The following CA10 variants were observed in gnomAD, a reference collection of about 807,000 sequenced individuals.
CA10 encodes carbonic anhydrase 10 (inactive).
Under a neutral mutation model 44.2 loss-of-function variants are expected in CA10, and 14 were observed. That is an observed-to-expected ratio of 0.32 (90% confidence interval 0.21 to 0.50). The LOEUF is 0.50. CA10 is among the 20% of genes least tolerant of loss of function. The probability of loss-of-function intolerance (pLI) is 0.99; values close to 1 mark genes in which losing one functional copy is unlikely to be tolerated. For synonymous variants in CA10, 159 were observed against 141.6 expected (o/e 1.12, Z -0.87); for missense variants, 350 against 409.7 (o/e 0.85, Z 1.26).
intron 4 of CA10, among the ~76,000 whole-genome samples, chr17:51,662,306 T>C (rs1197305128): frequency 6.6e-6 from 1 of 152,198 alleles, no homozygotes; most frequent in African/African-American, 2.4e-5. Context: ...CAGAGATGAA[T>C]GCTGTATATT....
chr17:52,122,032 T>G (rs533592793), intron 1 of CA10, among the ~76,000 whole-genome samples: 2 of 152,308 alleles, frequency 1.3e-5, no homozygotes, highest in African/African-American at 4.8e-5. Context: ...CAAATATCCT[T>G]TTATGCACAC....
At position 52,074,946 on chromosome 17, in the gene CA10, T is replaced by C. The variant is rs8070152; in HGVS notation, c.62-2553A>G. Among the ~76,000 whole-genome samples, 1,303 of 152,244 alleles carry C rather than the reference T, an allele frequency of 8.6e-3. 16 individuals are homozygous for C. Among genetic ancestry groups the C allele is most frequent in the African/African-American group, 0.027 (1,139 of 41,532 alleles). The stretch of plus-strand genomic sequence containing the variant: ...TATTACATTCAAATTTCAGTGTCCA[T>C]AATGTTTTATTGCCAAATAGCCAAA... On this transcript the variant is annotated intron_variant, in intron 1 of 8. Transcript: ENST00000451037.
chr17:51,660,794 G>T (rs1913975551), intron 4 of CA10, among the ~76,000 whole-genome samples: 1 of 152,134 alleles, frequency 6.6e-6, no homozygotes, highest in Admixed American at 6.5e-5. Context: ...ATGCACATCT[G>T]GGGCCCCTGG....
intron 6 of CA10, among the ~76,000 whole-genome samples, chr17:51,639,067 G>A (rs572483070): frequency 2.6e-4 from 39 of 152,216 alleles, no homozygotes; most frequent in African/African-American, 9.2e-4. Flanking sequence ...GACTTCATCC[G>A]GAGGCAATGC....
intron 3 of CA10, among the ~76,000 whole-genome samples, chr17:51,888,195 G>T (rs914182603): frequency 4.0e-5 from 6 of 151,434 alleles, no homozygotes; most frequent in African/African-American, 1.5e-4. Flanking sequence ...AAAAGGAGAA[G>T]AAAGGAAAGA....
intron 2 of CA10, among the ~76,000 whole-genome samples, chr17:52,015,520 G>A (rs1985941125): frequency 6.6e-6 from 1 of 152,088 alleles, no homozygotes; most frequent in South Asian, 2.1e-4. Context: ...GAACTTGAGA[G>A]GAAGTTATCC....
At chr17:52,093,813 T>C (rs1351591646) in intron 1 of CA10, among the ~76,000 whole-genome samples, 3 of 152,222 alleles carry the variant, frequency 2.0e-5, no homozygotes, top group Non-Finnish European at 2.9e-5. Context: ...TTTGCAAGTA[T>C]ATCTTGTTTC....
intron 1 of CA10, among the ~76,000 whole-genome samples, chr17:52,081,431 T>C (rs1386599851): frequency 6.6e-6 from 1 of 152,066 alleles, no homozygotes; most frequent in East Asian, 1.9e-4. Context: ...GGCCGGACAA[T>C]GTAAGTAGCG....
intron 2 of CA10, among the ~76,000 whole-genome samples, chr17:52,043,691 C>T (rs191541435): frequency 1.3e-5 from 2 of 151,994 alleles, no homozygotes; most frequent in African/African-American, 4.8e-5. Flanking sequence ...TAGCAGTGGG[C>T]TTGTCATACA....
intron 2 of CA10, among the ~76,000 whole-genome samples, chr17:51,940,257 C>A (rs1983026600): frequency 6.6e-6 from 1 of 152,044 alleles, no homozygotes; most frequent in Admixed American, 6.6e-5. Context: ...TTTGTGTATT[C>A]TTGTGTAAGT....
chr17:51,874,580 G>T (rs994488105), intron 3 of CA10, among the ~76,000 whole-genome samples: 1 of 152,058 alleles, frequency 6.6e-6, no homozygotes, highest in Non-Finnish European at 1.5e-5. Context: ...AGAGCACCAG[G>T]TGACCTCATT....
upstream of CA10, chr17:52,159,890 G>C (rs1989905243): frequency 6.6e-6 from 1 of 152,202 alleles, no homozygotes; most frequent in Non-Finnish European, 1.5e-5. Flanking sequence ...TGCTTCCATC[G>C]CTGCAGTGGT....
chr17:51,716,757 G>T (rs893298506), intron 4 of CA10, among the ~76,000 whole-genome samples: 1 of 152,170 alleles, frequency 6.6e-6, no homozygotes, highest in Non-Finnish European at 1.5e-5. Context: ...GTTGAATTAG[G>T]TATAAAATCC....
At chr17:51,889,259 T>C (rs574863764) in intron 3 of CA10, among the ~76,000 whole-genome samples, 1 of 152,264 alleles carries the variant, frequency 6.6e-6, no homozygotes, top group Admixed American at 6.5e-5. Flanking sequence ...TGGTGGCTCA[T>C]GCATGTCATC....
At chr17:51,790,135 C>T (rs1192620394) in intron 3 of CA10, among the ~76,000 whole-genome samples, 1 of 152,166 alleles carries the variant, frequency 6.6e-6, no homozygotes. Context: ...AGCCAGGACT[C>T]ACTCTGAGTG....
At chr17:52,031,963 C>T (rs57248790) in intron 2 of CA10, among the ~76,000 whole-genome samples, 1,622 of 152,168 alleles carry the variant, frequency 0.011, 29 homozygotes, top group African/African-American at 0.037. Flanking sequence ...ATTGAAAGCA[C>T]TCTGAAAAAA....
chr17:51,981,205 A>T (rs911238812), intron 2 of CA10, among the ~76,000 whole-genome samples: 2 of 152,092 alleles, frequency 1.3e-5, no homozygotes, highest in African/African-American at 2.4e-5. Flanking sequence ...CTATGTTGAC[A>T]TAAAGACTTG....
At chr17:51,649,288 A>T (rs746263814) in intron 5 of CA10, 34 bp from the exon 6 acceptor site, 1 of 1,462,576 alleles carries the variant, frequency 6.8e-7, no homozygotes, top group African/African-American at 1.4e-5. Context: ...ATGACTGGGC[A>T]TCACTCTTGC....
intron 3 of CA10, among the ~76,000 whole-genome samples, chr17:51,899,489 A>C (rs1981218029): frequency 6.6e-6 from 1 of 151,886 alleles, no homozygotes; most frequent in Non-Finnish European, 1.5e-5. Context: ...TTGATTTTAG[A>C]GTGCCATGTG....
Sources: allele counts gnomAD v4.1 joint callset (sites outside exome capture counted in the v4.1 genomes callset), GRCh38; gene constraint gnomAD v4.1.1; transcripts MANE v1.5; gene names NCBI Gene and HGNC (gene_info 2026-07-23, HGNC 2026-07-21).